Variants in STYXL1 observed in about 807,000 individuals in gnomAD.
STYXL1 encodes the protein serine/threonine/tyrosine-interacting-like protein 1.
Under a neutral mutation model 36.4 loss-of-function variants are expected in STYXL1, and 32 were observed. The observed-to-expected ratio is 0.88, with a 90% CI of 0.66 to 1.18. The LOEUF is 1.18. STYXL1 is among the 50% of genes most tolerant of loss of function. STYXL1 has a pLI of 0.00. For synonymous variants in STYXL1, 133 were observed against 144.1 expected, an observed-to-expected ratio of 0.92 and a Z score of 0.55; for missense variants, 354 against 394.1, an observed-to-expected ratio of 0.90 and a Z score of 0.86.
chr7:76,040,864 GA>G (rs1369000382), intron 1 of STYXL1, among the ~76,000 whole-genome samples: 1 of 150,012 alleles, frequency 6.7e-6, no homozygotes, highest in Non-Finnish European at 1.5e-5. Context: ...AAAATGAAAA[GA>G]AAAAGAAAAA....
At chr7:75,999,527 G>GTGTGTATA (rs1563456007) in intron 8 of STYXL1, among the ~76,000 whole-genome samples, 1 of 130,162 alleles carries the variant, frequency 7.7e-6, no homozygotes. Context: ...GTGTGTGTGT[G>GTGTGTATA]TGTGTGTGTG....
intron 1 of STYXL1, among the ~76,000 whole-genome samples, chr7:76,042,632 C>G (rs561638068): frequency 6.6e-6 from 1 of 151,824 alleles, no homozygotes; most frequent in Non-Finnish European, 1.5e-5. Context: ...GTCTCAAACT[C>G]CTGACCTCAG....
chr7:76,018,887 TAAAGAAAC>T lies in STYXL1; in HGVS notation c.307+2956_307+2963del, dbSNP rs1457281074. On this transcript the variant is annotated intron_variant, in intron 4 of 8. Transcript: ENST00000359697. ...CTTTGGGGTCTATATCTTAACCTTC[TAAAGAAAC>T]ACCACACTGTTTTCCAGTGACTGCA... Among the ~76,000 whole-genome samples, 40 of 152,358 alleles carry T rather than the reference TAAAGAAAC, an allele frequency of 2.6e-4. No individual in the cohort carries two copies. The Middle Eastern group carries it at 0.017, about 65-fold the overall frequency.
At chr7:76,005,471 G>C (rs1791550356) in intron 5 of STYXL1, 67 bp from the exon 6 acceptor site, 2 of 1,457,462 alleles carry the variant, frequency 1.4e-6, no homozygotes, top group Non-Finnish European at 1.9e-6. Flanking sequence ...TCTATCTCTT[G>C]AAACACAGCT....
intron 8 of STYXL1, chr7:76,000,600 G>A (rs545625585): frequency 2.3e-5 from 12 of 529,538 alleles, no homozygotes; most frequent in South Asian, 1.7e-4. Context: ...TTCTCCCTTG[G>A]GCAACACCAA....
At chr7:76,045,270 G>C (rs1554583159) in intron 1 of STYXL1, 1 of 148,462 alleles carries the variant, frequency 6.7e-6, no homozygotes, top group African/African-American at 2.5e-5. Context: ...TCAGACCTTT[G>C]TCATCCATAA....
intron 4 of STYXL1, among the ~76,000 whole-genome samples, chr7:76,020,156 G>A (rs1793890597): frequency 6.6e-6 from 1 of 152,264 alleles, no homozygotes; most frequent in Admixed American, 6.5e-5. Context: ...CCATCTCCTA[G>A]GGTTTCAAGG....
At chr7:76,028,978 G>C (rs946076329) in intron 2 of STYXL1, among the ~76,000 whole-genome samples, 19 of 151,910 alleles carry the variant, frequency 1.3e-4, no homozygotes, top group Non-Finnish European at 7.4e-5. Context: ...ACAAAAATTA[G>C]CCGGGCGTGG....
intron 3 of STYXL1, among the ~76,000 whole-genome samples, chr7:76,023,637 G>C (rs1331011648): frequency 2.0e-5 from 3 of 152,116 alleles, no homozygotes; most frequent in Non-Finnish European, 4.4e-5. Flanking sequence ...TGAGGTGAGA[G>C]GATCACTTGA....
chr7:76,016,785 TG>T, intron 4 of STYXL1, among the ~76,000 whole-genome samples: 1 of 152,256 alleles, frequency 6.6e-6, no homozygotes, highest in South Asian at 2.1e-4. Context: ...ATACTGTTGG[TG>T]GGAATGTAAA....
intron 8 of STYXL1, among the ~76,000 whole-genome samples, chr7:75,998,016 C>T (rs759780930): frequency 2.0e-5 from 3 of 152,138 alleles, no homozygotes; most frequent in Non-Finnish European, 4.4e-5. Context: ...GCCAATACAA[C>T]TCAAAGTAAT....
intron 2 of STYXL1, 23 bp downstream of exon 2, chr7:76,030,398 T>C (rs1554578889): frequency 6.4e-7 from 1 of 1,564,958 alleles, no homozygotes; most frequent in South Asian, 1.1e-5. Context: ...TTTGACCTCC[T>C]CCGCTTTTTT....
intron 5 of STYXL1, among the ~76,000 whole-genome samples, chr7:76,011,348 GTAAA>G (rs1792530389): frequency 6.6e-6 from 1 of 152,140 alleles, no homozygotes; most frequent in Non-Finnish European, 1.5e-5. Context: ...CATTTCACCC[GTAAA>G]TATTTTGTTC....
At chr7:76,014,428 T>C (rs1399429855) in intron 4 of STYXL1, among the ~76,000 whole-genome samples, 1 of 151,916 alleles carries the variant, frequency 6.6e-6, no homozygotes, top group African/African-American at 2.4e-5. Context: ...CTCGGCTCAC[T>C]GCAACCTCCA....
intron 3 of STYXL1, among the ~76,000 whole-genome samples, chr7:76,026,579 G>A (rs555015032): frequency 1.3e-5 from 2 of 152,096 alleles, no homozygotes; most frequent in Non-Finnish European, 2.9e-5. Context: ...TCCATGCCCC[G>A]CCCAAAATTT....
chr7:76,001,093 G>A lies in STYXL1; in HGVS notation c.698-91C>T, dbSNP rs149787457. The A allele has an allele frequency of 8.4e-5, 81 of 964,926 alleles. No homozygotes were observed. In the East Asian group the frequency reaches 1.9e-3, roughly 23 times the overall value. The allele number at this position is 964,926 out of a possible 1,614,324, so 59.8% of individuals were successfully genotyped here. A position where few individuals can be genotyped will look rare whatever the true frequency, so the allele number is the denominator to read the frequency against. ...AGACACTGGCCTCCATGGGCCCGTG[G>A]TCCAAGCATGAGTTCAAAACCAGCC... On this transcript the variant is annotated intron_variant, in intron 7 of 8. Coordinates refer to ENST00000359697, the MANE Select transcript of STYXL1 (RefSeq NM_001317785.2).
chr7:76,034,459 T>A (rs1795721551), intron 1 of STYXL1, among the ~76,000 whole-genome samples: 1 of 152,168 alleles, frequency 6.6e-6, no homozygotes, highest in Non-Finnish European at 1.5e-5. Flanking sequence ...CGGCTGAGCA[T>A]TGTTTCTTCC....
intron 1 of STYXL1, among the ~76,000 whole-genome samples, chr7:76,046,325 TGTGTGTGTGTGTGTGCGCGCGCGCGCGC>T (rs1305310716): frequency 3.2e-4 from 6 of 18,794 alleles, no homozygotes; most frequent in East Asian, 1.4e-3. Context: ...TGTGTGTGTG[TGTGTGTGTGTGTGTGCGCGCGCGCGCGC>T]GCGCGCTTTT....
intron 8 of STYXL1, among the ~76,000 whole-genome samples, chr7:75,997,649 G>C (rs1423214453): frequency 5.9e-5 from 9 of 152,072 alleles, no homozygotes; most frequent in African/African-American, 1.9e-4. Context: ...CATCTACAAT[G>C]GATAGGAAGA....
Sources: gnomAD v4.1 joint callset for allele counts (sites outside exome capture counted in the v4.1 genomes callset) on GRCh38, gnomAD v4.1.1 for gene constraint, MANE v1.5 for transcripts, NCBI Gene and HGNC (gene_info 2026-07-23, HGNC 2026-07-21) for gene names.